UBE2QL1: variants seen among roughly 807,000 people sequenced by gnomAD.
UBE2QL1 encodes ubiquitin-conjugating enzyme E2Q-like protein 1.
Under a neutral mutation model 12.6 loss-of-function variants are expected in UBE2QL1, and 5 were observed. The ratio of observed to expected loss-of-function variants is 0.40; its 90% CI spans 0.21 to 0.83. The LOEUF (loss-of-function observed/expected upper bound fraction) is 0.83, where lower values mean the gene tolerates loss of function less well. UBE2QL1 is among the 40% of genes least tolerant of loss of function. The pLI is 0.37. For synonymous variants in UBE2QL1, 96 were observed against 94.5 expected (o/e 1.02, Z -0.10); for missense variants, 99 against 222.6 (o/e 0.44, Z 3.53).
At chr5:6,449,306 C>G (rs1739364326) in intron 1 of UBE2QL1, 59 bp downstream of exon 1, 1 of 1,295,760 alleles carries the variant, frequency 7.7e-7, no homozygotes, top group African/African-American at 1.6e-5. Flanking sequence ...GCAGCGCCGC[C>G]GGGCGCCCGG....
intron 1 of UBE2QL1, among the ~76,000 whole-genome samples, chr5:6,465,616 T>G (rs272480): frequency 0.97 from 147,540 of 152,256 alleles, 71,634 homozygotes; most frequent in Middle Eastern, 1. Context: ...CAGGGACTCT[T>G]GGGGGGGCTC....
At chr5:6,463,633 TA>T (rs1194662633) in intron 1 of UBE2QL1, among the ~76,000 whole-genome samples, 9 of 146,618 alleles carry the variant, frequency 6.1e-5, no homozygotes, top group African/African-American at 2.3e-4. Context: ...TTATTATTAT[TA>T]TTATTATTTT....
chr5:6,470,676 A>G (rs1464341737), intron 1 of UBE2QL1, among the ~76,000 whole-genome samples: 2 of 152,196 alleles, frequency 1.3e-5, no homozygotes, highest in Non-Finnish European at 2.9e-5. Flanking sequence ...TGAGCCCCCA[A>G]GGGTGCAGGC....
chr5:6,463,640 A>ATTATTATTT (rs1379557896), intron 1 of UBE2QL1, among the ~76,000 whole-genome samples: 1 of 143,834 alleles, frequency 7.0e-6, no homozygotes, highest in Non-Finnish European at 1.5e-5. Context: ...TATTATTATT[A>ATTATTATTT]TTTTTGATGC....
At chr5:6,472,837 G>A (rs58777626) in intron 1 of UBE2QL1, among the ~76,000 whole-genome samples, 1,957 of 152,216 alleles carry the variant, frequency 0.013, 41 homozygotes, top group African/African-American at 0.042. Context: ...TTTCCTCACC[G>A]TCCCATCACG....
At chr5:6,462,456 C>T (rs916809007) in intron 1 of UBE2QL1, among the ~76,000 whole-genome samples, 2 of 152,186 alleles carry the variant, frequency 1.3e-5, no homozygotes, top group African/African-American at 2.4e-5. Context: ...TGTTCTCATG[C>T]TCCCGAGGGT....
chr5:6,487,162 A>G (rs1003388176), intron 1 of UBE2QL1, among the ~76,000 whole-genome samples: 1 of 152,244 alleles, frequency 6.6e-6, no homozygotes, highest in Admixed American at 6.5e-5. Flanking sequence ...CCAGGCTGAA[A>G]TTCAATTACA....
intron 1 of UBE2QL1, among the ~76,000 whole-genome samples, chr5:6,465,588 C>G (rs2126342011): frequency 1.3e-5 from 2 of 152,308 alleles, no homozygotes; most frequent in Middle Eastern, 6.8e-3. Flanking sequence ...GTGGAGGGCG[C>G]TTTGCACCTC....
In UBE2QL1 at chr5:6,478,738, A is replaced by T. The variant is rs148918540; in HGVS notation, c.355-12480A>T. ...TGAAATGAAGTGTCCTGATCACCCA[A>T]TGGCACGGGTGATCAAAGCCACAGC... On this transcript the variant is annotated intron_variant, in intron 1 of 1. Transcript: ENST00000399816. This position sits in a 1 kb window ranked among gnomAD's most constrained non-coding sequence, Gnocchi z 4.5. Among the ~76,000 whole-genome samples the T allele has an allele frequency of 2.6e-5, 4 of 151,994 alleles. No homozygotes were observed.
chr5:6,451,545 G>A (rs536223059), intron 1 of UBE2QL1, among the ~76,000 whole-genome samples: 1 of 152,148 alleles, frequency 6.6e-6, no homozygotes. Context: ...CACCTAGCAT[G>A]TCATGTTATG....
rs1734662967 is a variant in UBE2QL1, at chr5:6,496,248, A to G, written c.*4899A>G. On this transcript the variant is annotated 3_prime_UTR_variant, in exon 2 of 2. Transcript: ENST00000399816. ...CTTTCTCTTTCCTTCTACTGGTGGT[A>G]AATTAAGTGACTGTCCTACTTTGTA... Among the ~76,000 whole-genome samples, 1 of 152,192 alleles carries G rather than the reference A, an allele frequency of 6.6e-6. No individual in the cohort carries two copies. Among genetic ancestry groups the G allele is most frequent in the African/African-American group, 2.4e-5 (1 of 41,454 alleles).
chr5:6,467,327 C>T (rs1022100723), intron 1 of UBE2QL1, among the ~76,000 whole-genome samples: 1 of 152,128 alleles, frequency 6.6e-6, no homozygotes, highest in African/African-American at 2.4e-5. Context: ...AATGCATTCT[C>T]TCGCAGACTT....
At chr5:6,461,776 C>G (rs370187678) in intron 1 of UBE2QL1, among the ~76,000 whole-genome samples, 1 of 152,076 alleles carries the variant, frequency 6.6e-6, no homozygotes, top group South Asian at 2.1e-4. Flanking sequence ...TTAGCTGTCA[C>G]GTAATCTTTT....
At chr5:6,487,011 A>G (rs1734479567) in intron 1 of UBE2QL1, among the ~76,000 whole-genome samples, 1 of 152,202 alleles carries the variant, frequency 6.6e-6, no homozygotes, top group African/African-American at 2.4e-5. Context: ...ATGCCTGGTT[A>G]TCCGCCCACA....
At chr5:6,490,553 T>C (rs942570747) in intron 1 of UBE2QL1, among the ~76,000 whole-genome samples, 10 of 152,210 alleles carry the variant, frequency 6.6e-5, no homozygotes, top group African/African-American at 2.4e-4. Flanking sequence ...CCCTGACCTC[T>C]ACCCTCTCTT....
At chr5:6,471,843 A>G (rs568691267) in intron 1 of UBE2QL1, among the ~76,000 whole-genome samples, 1 of 152,236 alleles carries the variant, frequency 6.6e-6, no homozygotes, top group African/African-American at 2.4e-5. Flanking sequence ...TATATAAACT[A>G]TCACATTTTT....
Position 6,492,450 on chromosome 5 carries a change from C to T in UBE2QL1, c.*1101C>T, listed in dbSNP as rs1734594013. On this transcript the variant is annotated 3_prime_UTR_variant, in exon 2 of 2. Coordinates refer to ENST00000399816, the MANE Select transcript of UBE2QL1 (RefSeq NM_001145161.3). ...ATCTCCCCCACGGTTTCATTTTTCT[C>T]TTCTGTTAATACTTAGAACTTTCTA... is the stretch of plus-strand genomic sequence containing the variant. 1 of 152,126 alleles carries T rather than the reference C, an allele frequency of 6.6e-6. No homozygotes were observed. The highest frequency in any genetic ancestry group is 2.1e-4 in the South Asian group (1 of 4,826). The allele number at this position is 152,126 out of a possible 1,614,324, so 9.4% of individuals were successfully genotyped here.
rs1178725900 is a variant in UBE2QL1, at chr5:6,479,873, C to T, written c.355-11345C>T. On this transcript the variant is annotated intron_variant, in intron 1 of 1. Coordinates refer to ENST00000399816, the MANE Select transcript of UBE2QL1 (RefSeq NM_001145161.3). The surrounding 1 kb of genome is among the most constrained non-coding windows in gnomAD (Gnocchi z 4.2). ...CAGGTAGCGTGTGCCGAGGCCCCCA[C>T]ATGTGCTGCAAAGACCAGAATGTAC... Among the ~76,000 whole-genome samples, 3 of 152,210 alleles carry T rather than the reference C, an allele frequency of 2.0e-5. No individual in the cohort carries two copies. The highest frequency in any genetic ancestry group is 7.2e-5 in the African/African-American group (3 of 41,456).
intron 1 of UBE2QL1, among the ~76,000 whole-genome samples, chr5:6,457,376 A>G (rs1739548331): frequency 6.6e-6 from 1 of 152,068 alleles, no homozygotes; most frequent in Non-Finnish European, 1.5e-5. Context: ...CAGAGGAGGA[A>G]GCTCGGCATT....
Sources: allele counts gnomAD v4.1 joint callset (sites outside exome capture counted in the v4.1 genomes callset), GRCh38; gene constraint gnomAD v4.1.1; non-coding constraint Gnocchi (gnomAD v3.1); transcripts MANE v1.5; gene names NCBI Gene and HGNC (gene_info 2026-07-23, HGNC 2026-07-21).